The following PCDH11X variants were observed in gnomAD, a reference collection of about 807,000 sequenced individuals.
PCDH11X encodes protocadherin 11 X-linked, also known as protocadherin-11 X-linked.
Under a neutral mutation model 53.3 loss-of-function variants are expected in PCDH11X, and 18 were observed. The observed-to-expected ratio is 0.34, with a 90% CI of 0.23 to 0.50. The LOEUF (loss-of-function observed/expected upper bound fraction) is 0.50. Ranked by LOEUF, PCDH11X falls within the 20% of genes least tolerant of loss-of-function variation. PCDH11X has a pLI of 0.98. For synonymous variants in PCDH11X, 279 were observed against 393.3 expected (o/e 0.71, Z 3.44); for missense variants, 570 against 1,032.4 (o/e 0.55, Z 6.14).
chrX:92,079,355 C>T (rs189907897), intron 6 of PCDH11X, among the ~76,000 whole-genome samples: 3 of 111,671 alleles, frequency 2.7e-5, no homozygotes, highest in Non-Finnish European at 5.6e-5. Context: ...GCCTCATGCT[C>T]GGGTTTCCAG....
At chrX:92,548,960 G>T (rs5984991) in intron 10 of PCDH11X, among the ~76,000 whole-genome samples, 42,973 of 105,787 alleles carry the variant, frequency 0.41, 7,169 homozygotes, top group Non-Finnish European at 0.46. Context: ...AAAAAACAGT[G>T]CAAGTGTCAT....
intron 6 of PCDH11X, among the ~76,000 whole-genome samples, chrX:92,149,503 G>A (rs187067819): frequency 0.069 from 7,253 of 104,501 alleles, 726 homozygotes; most frequent in African/African-American, 0.24. Context: ...ATATATATAT[G>A]TATGTATATA....
chrX:92,262,880 T>A (rs1170497232), intron 7 of PCDH11X: 1 of 267,843 alleles, frequency 3.7e-6, no homozygotes, highest in Non-Finnish European at 5.1e-6. Context: ...CTCTTCATAT[T>A]TTTGCACAAG....
At chrX:92,442,426 A>G (rs1238851664) in intron 9 of PCDH11X, among the ~76,000 whole-genome samples, 1 of 111,165 alleles carries the variant, frequency 9.0e-6, no homozygotes, top group Non-Finnish European at 1.9e-5. Context: ...GGCTTTTCCC[A>G]TGCTGCTCTC....
At chrX:92,445,624 A>C (rs1486647130) in intron 9 of PCDH11X, among the ~76,000 whole-genome samples, 1 of 109,502 alleles carries the variant, frequency 9.1e-6, no homozygotes, top group African/African-American at 3.3e-5. Flanking sequence ...GAATCAGGAG[A>C]AGTCTAAAAC....
chrX:92,525,458 C>T (rs921778209), intron 10 of PCDH11X, among the ~76,000 whole-genome samples: 3 of 108,547 alleles, frequency 2.8e-5, no homozygotes, highest in African/African-American at 1.0e-4. Flanking sequence ...TGGTGAAACC[C>T]CATCGCTACT....
At chrX:91,916,852 G>A (rs1406709780) in intron 6 of PCDH11X, among the ~76,000 whole-genome samples, 2 of 109,905 alleles carry the variant, frequency 1.8e-5, no homozygotes, top group Non-Finnish European at 3.8e-5. Flanking sequence ...AAGAAAGGAC[G>A]TAACAAAAAA....
At chrX:91,979,198 TTGTTC>T (rs2062089546) in intron 6 of PCDH11X, among the ~76,000 whole-genome samples, 3 of 107,364 alleles carry the variant, frequency 2.8e-5, no homozygotes, top group Non-Finnish European at 5.8e-5. Flanking sequence ...TTCAGTAGGT[TTGTTC>T]TTGAGAGTGA....
intron 6 of PCDH11X, among the ~76,000 whole-genome samples, chrX:92,083,662 G>A (rs1191385052): frequency 2.7e-5 from 3 of 111,549 alleles, no homozygotes. Flanking sequence ...CTCTAAAAAT[G>A]TGTTTTACCA....
intron 1 of PCDH11X, among the ~76,000 whole-genome samples, chrX:91,796,729 T>TTA (rs759245179): frequency 9.0e-6 from 1 of 111,699 alleles, no homozygotes; most frequent in East Asian, 2.8e-4. Context: ...TGGATAATCA[T>TTA]TATATATATA....
At chrX:92,606,960 A>G (rs1313808768) in intron 10 of PCDH11X, among the ~76,000 whole-genome samples, 3 of 110,615 alleles carry the variant, frequency 2.7e-5, no homozygotes, top group Non-Finnish European at 5.7e-5. Context: ...GCAAATCTAA[A>G]TCACAATGAG....
At chrX:91,925,554 A>T (rs1434904590) in intron 6 of PCDH11X, among the ~76,000 whole-genome samples, 1 of 110,897 alleles carries the variant, frequency 9.0e-6, no homozygotes, top group African/African-American at 3.3e-5. Context: ...CACTAAAGTC[A>T]TTATTTGAGG....
intron 6 of PCDH11X, among the ~76,000 whole-genome samples, chrX:91,983,843 A>G (rs2062186082): frequency 1.8e-5 from 2 of 110,778 alleles, no homozygotes; most frequent in African/African-American, 6.6e-5. Flanking sequence ...ACTATATGTT[A>G]TAATCTGTAA....
chrX:91,955,597 T>G (rs968376987), intron 6 of PCDH11X, among the ~76,000 whole-genome samples: 3 of 111,214 alleles, frequency 2.7e-5, no homozygotes, highest in African/African-American at 6.5e-5. Context: ...TTTCATAATC[T>G]TGAGTTCTAA....
chrX:92,078,108 G>A (rs1398871820), intron 6 of PCDH11X, among the ~76,000 whole-genome samples: 1 of 106,291 alleles, frequency 9.4e-6, no homozygotes, highest in East Asian at 2.9e-4. Flanking sequence ...CTGCGTACCT[G>A]TTATCACCAG....
chrX:92,217,005 G>A (rs371248150), intron 7 of PCDH11X, among the ~76,000 whole-genome samples: 1 of 110,686 alleles, frequency 9.0e-6, no homozygotes, highest in East Asian at 2.9e-4. Flanking sequence ...CAAATGCTGA[G>A]AGATTTTGTC....
At chrX:92,355,417 C>CA (rs57339128) in intron 8 of PCDH11X, among the ~76,000 whole-genome samples, 2,740 of 23,525 alleles carry the variant, frequency 0.12, 594 homozygotes, top group Non-Finnish European at 0.13. Context: ...GACTCCGTCT[C>CA]AAAAAAAAAA....
intron 8 of PCDH11X, among the ~76,000 whole-genome samples, chrX:92,266,339 A>C (rs1386429122): frequency 8.9e-6 from 1 of 111,937 alleles, no homozygotes; most frequent in African/African-American, 3.2e-5. Flanking sequence ...CATTTGTAAA[A>C]AAGTAAGGCA....
At chrX:92,282,847 T>C (rs2068279811) in intron 8 of PCDH11X, among the ~76,000 whole-genome samples, 1 of 111,383 alleles carries the variant, frequency 9.0e-6, no homozygotes, top group Non-Finnish European at 1.9e-5. Flanking sequence ...TGAATGCTAT[T>C]TCCCGTAATG....
Sources: allele counts gnomAD v4.1 joint callset (sites outside exome capture counted in the v4.1 genomes callset), GRCh38; gene constraint gnomAD v4.1.1; transcripts MANE v1.5; gene names NCBI Gene and HGNC (gene_info 2026-07-23, HGNC 2026-07-21).